The following CACNA1I variants were observed in gnomAD, a reference collection of about 807,000 sequenced individuals.
CACNA1I encodes voltage-dependent T-type calcium channel subunit alpha-1I.
A neutral mutation model predicts 201.6 loss-of-function variants in CACNA1I; 74 were observed. That is an observed-to-expected ratio of 0.37 (90% CI 0.30 to 0.45). CACNA1I has a LOEUF of 0.45. Ranked by LOEUF, CACNA1I falls within the 20% of genes least tolerant of loss-of-function variation. CACNA1I has a pLI of 1.00. For missense variants in CACNA1I, 2,346 were observed against 3,138.1 expected (o/e 0.75, Z 6.03); for synonymous variants, 1,431 against 1,345.2 (o/e 1.06, Z -1.40).
chr22:39,658,493 G>A (rs1470658740), intron 11 of CACNA1I, among the ~76,000 whole-genome samples, 190 bp downstream of exon 11: 2 of 152,330 alleles, frequency 1.3e-5, no homozygotes, highest in South Asian at 2.1e-4. Flanking sequence ...ATCTAGCAGC[G>A]CGTCTGTGAC....
At chr22:39,671,001 G>A (rs778963130) in intron 26 of CACNA1I, 47 bp downstream of exon 26, 2 of 1,599,124 alleles carry the variant, frequency 1.3e-6, no homozygotes, top group South Asian at 1.1e-5. Flanking sequence ...GGTGAGGGTG[G>A]GGTCTCAGCA....
At chr22:39,600,794 A>G (rs902912960) in intron 3 of CACNA1I, 141 bp downstream of exon 3, 13 of 1,092,878 alleles carry the variant, frequency 1.2e-5, no homozygotes, top group African/African-American at 3.3e-5. Flanking sequence ...GCTGGGAGGA[A>G]TGATGGACAG....
intron 2 of CACNA1I, 25 bp downstream of exon 2, chr22:39,598,287 C>CAG (rs763976034): frequency 7.6e-7 from 1 of 1,317,298 alleles, no homozygotes; most frequent in Non-Finnish European, 1.0e-6. Flanking sequence ...CCGCCCCGCC[C>CAG]CGCCCTGCCC....
In CACNA1I at chr22:39,649,473, C is replaced by A; in HGVS notation, c.1568-28C>A. On this transcript the variant is annotated intron_variant, in intron 9 of 36. Coordinates refer to ENST00000402142, the MANE Select transcript of CACNA1I (RefSeq NM_021096.4). The surrounding 1 kb of genome is among the most constrained non-coding windows in gnomAD (Gnocchi z 7.3). ...GGATTGGGCCTGGTGTGGGCAACGACTCTATGCCCCTCTCATTTGCTTTTC... is the reference window on the plus strand; with the variant it reads ...GGATTGGGCCTGGTGTGGGCAACGAATCTATGCCCCTCTCATTTGCTTTTC... 2 of 1,541,188 alleles carry A rather than the reference C, an allele frequency of 1.3e-6. No individual in the cohort carries two copies. Among genetic ancestry groups the A allele is most frequent in the South Asian group, 1.2e-5 (1 of 81,236 alleles).
At position 39,574,630 on chromosome 22, in the gene CACNA1I, G is replaced by A. The variant is rs117793356; in HGVS notation, c.236+3642G>A. On this transcript the variant is annotated intron_variant, in intron 1 of 36. Coordinates refer to ENST00000402142, the MANE Select transcript of CACNA1I (RefSeq NM_021096.4). ...ACACCATTGGCATTTGGGGGTTGAC[G>A]GTGCTTTGTAGTCTTGTCTGTCTTG... 8.5e-5 allele frequency among the ~76,000 whole-genome samples: 13 copies of A among 152,208 alleles called. No individual in the cohort carries two copies. In the East Asian group the frequency reaches 1.9e-3, roughly 23 times the overall value.
intron 2 of CACNA1I, 27 bp from the exon 3 acceptor site, chr22:39,600,493 C>G (rs768509869): frequency 1.2e-6 from 2 of 1,605,868 alleles, no homozygotes; most frequent in Non-Finnish European, 1.7e-6. Context: ...CACCCTGTCC[C>G]TTGCTTCCCT....
rs58438981 is a variant in CACNA1I, at chr22:39,647,942, G to C, written c.1567+16G>C. On this transcript the variant is annotated intron_variant, in intron 9 of 36. Transcript: ENST00000402142. ...TCGGGAAGAGGCAAGCCAGGGCCAC[G>C]GGAGGTGGGCCCTGCCCCCAGCCCC... 6.2e-7 allele frequency: 1 copy of C among 1,607,842 alleles called. No individual in the cohort carries two copies. The highest frequency in any genetic ancestry group is 8.5e-7 in the Non-Finnish European group (1 of 1,175,708).
At chr22:39,624,328 C>T (rs916803038) in intron 4 of CACNA1I, among the ~76,000 whole-genome samples, 1 of 152,160 alleles carries the variant, frequency 6.6e-6, no homozygotes, top group African/African-American at 2.4e-5. Context: ...TCCCCAGCAC[C>T]AGCCTGCCCT....
At chr22:39,585,251 C>A (rs1932706713) in intron 1 of CACNA1I, among the ~76,000 whole-genome samples, 1 of 151,688 alleles carries the variant, frequency 6.6e-6, no homozygotes, top group Non-Finnish European at 1.5e-5. Context: ...TTAGTAGAGA[C>A]AGGGTTTCAC....
At chr22:39,606,151 A>T (rs1933213815) in intron 3 of CACNA1I, among the ~76,000 whole-genome samples, 1 of 152,034 alleles carries the variant, frequency 6.6e-6, no homozygotes, top group Admixed American at 6.6e-5. Context: ...GGAGAACGGG[A>T]TCCCACCCTC....
chr22:39,656,058 C>T (rs1338663384), intron 10 of CACNA1I, among the ~76,000 whole-genome samples: 1 of 152,190 alleles, frequency 6.6e-6, no homozygotes. Flanking sequence ...TCAGTCCTCC[C>T]CACCGAGGGT....
chr22:39,590,323 G>A (rs753052959), intron 1 of CACNA1I, among the ~76,000 whole-genome samples: 2 of 152,200 alleles, frequency 1.3e-5, no homozygotes, highest in Non-Finnish European at 2.9e-5. Flanking sequence ...AGGCAAACAT[G>A]CCCTTGCTGG....
chr22:39,641,558 G>T (rs1249995884), intron 6 of CACNA1I, among the ~76,000 whole-genome samples: 1 of 152,206 alleles, frequency 6.6e-6, no homozygotes. Flanking sequence ...GCTGACCAAG[G>T]CCAGGATCAT....
At chr22:39,637,614 C>T (rs1053883249) in intron 5 of CACNA1I, among the ~76,000 whole-genome samples, 8 of 152,124 alleles carry the variant, frequency 5.3e-5, no homozygotes, top group African/African-American at 1.9e-4. Flanking sequence ...CCAGAAACAA[C>T]CCCAAACCAT....
At chr22:39,618,286 T>TGA (rs1933615431) in intron 3 of CACNA1I, among the ~76,000 whole-genome samples, 1 of 24,230 alleles carries the variant, frequency 4.1e-5, no homozygotes, top group Non-Finnish European at 9.8e-5. Flanking sequence ...ACTGTGTGTG[T>TGA]GACTGTGTGT....
chr22:39,650,394 C>T (rs1934612647), intron 10 of CACNA1I, among the ~76,000 whole-genome samples: 2 of 152,158 alleles, frequency 1.3e-5, no homozygotes, highest in Non-Finnish European at 2.9e-5. Context: ...TCAAGCGATC[C>T]TCCCTCTTCA....
chr22:39,598,613 C>T (rs1191802937), intron 2 of CACNA1I, among the ~76,000 whole-genome samples: 4 of 152,044 alleles, frequency 2.6e-5, no homozygotes, highest in African/African-American at 9.7e-5. Flanking sequence ...CTCCTGCACC[C>T]GCCACATGCA....
At chr22:39,637,252 T>C (rs929853803) in intron 5 of CACNA1I, among the ~76,000 whole-genome samples, 5 of 152,130 alleles carry the variant, frequency 3.3e-5, no homozygotes, top group Non-Finnish European at 5.9e-5. Flanking sequence ...CCAGAGCGGG[T>C]ACAAGACCAG....
chr22:39,590,670 T>C (rs113166065), intron 1 of CACNA1I, among the ~76,000 whole-genome samples: 4,221 of 152,302 alleles, frequency 0.028, 155 homozygotes, highest in African/African-American at 0.089. Context: ...TGAGAGGCAG[T>C]GCAGATCCTG....
Sources: gnomAD v4.1 joint callset for allele counts (sites outside exome capture counted in the v4.1 genomes callset) on GRCh38, gnomAD v4.1.1 for gene constraint, Gnocchi (gnomAD v3.1) non-coding constraint, MANE v1.5 for transcripts, NCBI Gene and HGNC (gene_info 2026-07-23, HGNC 2026-07-21) for gene names.